CAMTA1: variants seen among roughly 807,000 people sequenced by gnomAD.
The protein encoded by CAMTA1 is calmodulin binding transcription activator 1.
A neutral mutation model predicts 170.9 loss-of-function variants in CAMTA1; 27 were observed. The observed-to-expected ratio is 0.16, with a 90% CI of 0.12 to 0.22. The LOEUF (loss-of-function observed/expected upper bound fraction) is 0.22, where lower values mean the gene tolerates loss of function less well. Among genes scored for constraint, CAMTA1 ranks in the 10% least tolerant of loss-of-function variants. The pLI, the probability that CAMTA1 is intolerant of heterozygous loss-of-function variation, is 1.00. For missense variants in CAMTA1, 1,619 were observed against 2,217.2 expected (o/e 0.73, Z 5.42); for synonymous variants, 833 against 891.5 (o/e 0.93, Z 1.17).
chr1:7,678,229 G>A (rs1188746657), intron 11 of CAMTA1, among the ~76,000 whole-genome samples: 1 of 152,254 alleles, frequency 6.6e-6, no homozygotes, highest in East Asian at 1.9e-4. Context: ...GAATTTGGGG[G>A]CTTGCTTCTG....
intron 3 of CAMTA1, among the ~76,000 whole-genome samples, chr1:7,088,775 G>T (rs1011235492): frequency 2.6e-5 from 4 of 152,148 alleles, no homozygotes; most frequent in Non-Finnish European, 5.9e-5. Flanking sequence ...TGGATCAGGG[G>T]GTTCCAGCTG....
At chr1:6,936,854 G>A (rs555655145) in intron 3 of CAMTA1, among the ~76,000 whole-genome samples, 1 of 152,214 alleles carries the variant, frequency 6.6e-6, no homozygotes, top group East Asian at 1.9e-4. Flanking sequence ...TGGGCGTGGT[G>A]GCAGGCGCCT....
At chr1:7,206,269 T>C (rs926100567) in intron 4 of CAMTA1, among the ~76,000 whole-genome samples, 5 of 152,252 alleles carry the variant, frequency 3.3e-5, no homozygotes, top group Admixed American at 3.3e-4. Flanking sequence ...GAACTGGCAT[T>C]GTGATGATAC....
intron 3 of CAMTA1, among the ~76,000 whole-genome samples, chr1:6,844,836 A>T (rs1657400490): frequency 6.6e-6 from 1 of 152,164 alleles, no homozygotes. Context: ...ATCAGATTCT[A>T]GTTTTCTAAA....
chr1:6,988,420 C>T (rs1307282116), intron 3 of CAMTA1, among the ~76,000 whole-genome samples: 1 of 152,142 alleles, frequency 6.6e-6, no homozygotes, highest in Non-Finnish European at 1.5e-5. Flanking sequence ...TGCAAATTAA[C>T]AATCTGACTT....
At chr1:7,163,286 C>T (rs1378175460) in intron 4 of CAMTA1, among the ~76,000 whole-genome samples, 1 of 116,102 alleles carries the variant, frequency 8.6e-6, no homozygotes, top group East Asian at 2.4e-4. Flanking sequence ...TGTGGGTGGC[C>T]AGGCTGGGGT....
intron 6 of CAMTA1, among the ~76,000 whole-genome samples, chr1:7,494,084 C>A (rs1051690047): frequency 6.6e-6 from 1 of 151,692 alleles, no homozygotes; most frequent in Non-Finnish European, 1.5e-5. Flanking sequence ...AGGGAGGTGG[C>A]CTTCTGGGTT....
At chr1:7,019,958 T>C (rs1701116913) in intron 3 of CAMTA1, among the ~76,000 whole-genome samples, 1 of 152,230 alleles carries the variant, frequency 6.6e-6, no homozygotes, top group South Asian at 2.1e-4. Context: ...CAGAAATAAG[T>C]TGGGCTCCAC....
intron 6 of CAMTA1, among the ~76,000 whole-genome samples, chr1:7,619,031 G>A (rs1254628176): frequency 2.0e-5 from 3 of 152,216 alleles, no homozygotes; most frequent in African/African-American, 7.2e-5. Flanking sequence ...GCCAGGGCCA[G>A]GGAGGCAGCT....
At chr1:7,211,133 G>T (rs551240120) in intron 4 of CAMTA1, among the ~76,000 whole-genome samples, 1 of 152,278 alleles carries the variant, frequency 6.6e-6, no homozygotes, top group African/African-American at 2.4e-5. Flanking sequence ...AATGCATCTT[G>T]TGTTTAAATT....
intron 4 of CAMTA1, among the ~76,000 whole-genome samples, chr1:7,103,813 A>G (rs1643155749): frequency 7.3e-6 from 1 of 136,590 alleles, no homozygotes; most frequent in Non-Finnish European, 1.5e-5. Context: ...TATACATACA[A>G]CTACACACAT....
In CAMTA1 at chr1:7,680,187, C is replaced by A; in HGVS notation, c.2914+2454C>A. On this transcript the variant is annotated intron_variant, in intron 11 of 22. Transcript: ENST00000303635. The surrounding 1 kb of genome is among the most constrained non-coding windows in gnomAD (Gnocchi z 4.4). Reference sequence around the variant, plus strand: ...GGGGCCTGGCCATGAACTTTGCGTCCGGGCCAATGCTGCAGTGGCCGGGCG... The same window carrying A: ...GGGGCCTGGCCATGAACTTTGCGTCAGGGCCAATGCTGCAGTGGCCGGGCG... 1 of 274,484 alleles carries A rather than the reference C, an allele frequency of 3.6e-6. No individual in the cohort carries two copies. 17.0% of individuals were successfully genotyped at this position (274,484 alleles called of 1,614,324 possible).
intron 5 of CAMTA1, among the ~76,000 whole-genome samples, chr1:7,374,860 C>T (rs200046100): frequency 2.6e-5 from 4 of 152,210 alleles, no homozygotes; most frequent in African/African-American, 4.8e-5. Context: ...GGCTTCTGGT[C>T]GCAGAGCTAG....
rs1303975868 is a variant in CAMTA1, at chr1:7,482,422, C to G, written c.510+14521C>G. Among the ~76,000 whole-genome samples, 1 of 152,168 alleles carries G rather than the reference C, an allele frequency of 6.6e-6. No homozygotes were observed. Among genetic ancestry groups the G allele is most frequent in the African/African-American group, 2.4e-5 (1 of 41,428 alleles). On this transcript the variant is annotated intron_variant, in intron 6 of 22. Coordinates refer to ENST00000303635, the MANE Select transcript of CAMTA1 (RefSeq NM_015215.4). The surrounding 1 kb of genome is among the most constrained non-coding windows in gnomAD (Gnocchi z 4.2). ...AGCTGCCCCTAGGTCCAGCTGTGCC[C>G]CACGAGCACAAGCGTCAGCACTCGG...
At chr1:7,389,761 C>T (rs2088476482) in intron 5 of CAMTA1, 1 of 152,714 alleles carries the variant, frequency 6.5e-6, no homozygotes, top group Non-Finnish European at 1.5e-5. Context: ...GGAGTCCAAG[C>T]ACAGGGTCCC....
intron 6 of CAMTA1, among the ~76,000 whole-genome samples, chr1:7,632,033 C>T (rs2095673221): frequency 6.6e-6 from 1 of 152,178 alleles, no homozygotes; most frequent in Non-Finnish European, 1.5e-5. Context: ...CCAGTGCCGC[C>T]CAGTGCCGCC....
At position 7,588,604 on chromosome 1, in the gene CAMTA1, G is replaced by C. The variant is rs2095330425; in HGVS notation, c.511-51796G>C. Among the ~76,000 whole-genome samples the C allele has an allele frequency of 6.6e-6, 1 of 152,172 alleles. No homozygotes were observed. The highest frequency in any genetic ancestry group is 2.1e-4 in the South Asian group (1 of 4,820). ...GTCCCATGCAGCTCCAGGCCAGGGC[G>C]ATCTGAGCAGCCCCAGCCACAGTGG... On this transcript the variant is annotated intron_variant, in intron 6 of 22. Transcript: ENST00000303635. This position sits in a 1 kb window ranked among gnomAD's most constrained non-coding sequence, Gnocchi z 5.8.
Position 7,234,515 on chromosome 1 carries a change from A to T in CAMTA1, c.303-14976A>T, listed in dbSNP as rs1663440422. ...GCAGAGGCAGGGCTGTGGCACCCTCAGCACCCGGCGTGAATGCTCAGCCGT... is the reference window on the plus strand; with the variant it reads ...GCAGAGGCAGGGCTGTGGCACCCTCTGCACCCGGCGTGAATGCTCAGCCGT... On this transcript the variant is annotated intron_variant, in intron 4 of 22. Coordinates refer to ENST00000303635, the MANE Select transcript of CAMTA1 (RefSeq NM_015215.4). This position sits in a 1 kb window ranked among gnomAD's most constrained non-coding sequence, Gnocchi z 5.0. Among the ~76,000 whole-genome samples the T allele has an allele frequency of 6.6e-6, 1 of 152,216 alleles. No homozygotes were observed. The highest frequency in any genetic ancestry group is 1.5e-5 in the Non-Finnish European group (1 of 68,044).
chr1:6,999,008 T>A (rs185651798), intron 3 of CAMTA1, among the ~76,000 whole-genome samples: 1 of 152,352 alleles, frequency 6.6e-6, no homozygotes, highest in Admixed American at 6.5e-5. Flanking sequence ...TGTGCAGCCA[T>A]CATAGTCTCC....
Sources: allele counts gnomAD v4.1 joint callset (sites outside exome capture counted in the v4.1 genomes callset), GRCh38; gene constraint gnomAD v4.1.1; non-coding constraint Gnocchi (gnomAD v3.1); transcripts MANE v1.5; gene names NCBI Gene and HGNC (gene_info 2026-07-23, HGNC 2026-07-21).